Variants in DNAJC6 observed in about 807,000 individuals in gnomAD.
DNAJC6 encodes the protein DnaJ heat shock protein family (Hsp40) member C6.
In DNAJC6, 34 loss-of-function variants were observed where a neutral mutation model predicts 110.0. That is an observed-to-expected ratio of 0.31 (90% CI 0.24 to 0.41). The LOEUF (loss-of-function observed/expected upper bound fraction) is 0.41. Ranked by LOEUF, DNAJC6 falls within the 10% of genes least tolerant of loss-of-function variation. The pLI, the probability that DNAJC6 is intolerant of heterozygous loss-of-function variation, is 1.00. For synonymous variants in DNAJC6, 406 were observed against 437.2 expected (o/e 0.93, Z 0.89); for missense variants, 1,031 against 1,207.8 (o/e 0.85, Z 2.17).
At chr1:65,408,832 T>C (rs780382037) in intron 17 of DNAJC6, 49 bp downstream of exon 17, 2 of 1,595,278 alleles carry the variant, frequency 1.3e-6, no homozygotes, top group African/African-American at 1.4e-5. Flanking sequence ...GACAAAGTCA[T>C]GTGATAAAGT....
rs1490972311 is a variant in DNAJC6 at position 65,368,783 on chromosome 1, C to G, written c.543+2587C>G. Among the ~76,000 whole-genome samples the G allele has an allele frequency of 4.1e-5, 5 of 121,308 alleles. No homozygotes were observed. The South Asian group carries it at 1.6e-3, about 38-fold the overall frequency. The allele number at this position is 121,308 out of a possible 152,430, so 79.6% of individuals were successfully genotyped here. On this transcript the variant is annotated intron_variant, in intron 4 of 18. Coordinates refer to ENST00000371069, the MANE Select transcript of DNAJC6 (RefSeq NM_001256864.2). ...CTCTTCCCTCCCCTCCCCTTCCCTT[C>G]CCTTCCCTTCCAAAAGAGCCTCACT...
intron 4 of DNAJC6, among the ~76,000 whole-genome samples, chr1:65,373,900 C>T (rs1223517758): frequency 1.3e-5 from 2 of 151,916 alleles, no homozygotes; most frequent in Non-Finnish European, 2.9e-5. Context: ...TTCTTCTAGT[C>T]ATTTTATATT....
chr1:65,296,157 T>G (rs1259666916), intron 1 of DNAJC6, among the ~76,000 whole-genome samples: 1 of 152,236 alleles, frequency 6.6e-6, no homozygotes, highest in Non-Finnish European at 1.5e-5. Context: ...AGAGTCATAC[T>G]CTGTTATTCA....
At chr1:65,383,399 C>G (rs1645841385) in intron 5 of DNAJC6, among the ~76,000 whole-genome samples, 1 of 152,152 alleles carries the variant, frequency 6.6e-6, no homozygotes, top group Admixed American at 6.5e-5. Context: ...CTTAGGCAAT[C>G]TGCTCGCCTT....
rs556673763 is a variant in DNAJC6 at position 65,282,528 on chromosome 1, T to C, written c.-131+17596T>C. The stretch of plus-strand genomic sequence containing the variant: ...CCAGACTTTCATTGGATAAAGGTAG[T>C]TGAGGCTGGGGTTAGGCTCTTTTCA... On this transcript the variant is annotated intron_variant, in intron 1 of 19. Transcript: ENST00000263441. 1.1e-4 allele frequency among the ~76,000 whole-genome samples: 17 copies of C among 152,286 alleles called. 1 individual carries two copies. The South Asian group carries it at 3.5e-3, about 32-fold the overall frequency.
At chr1:65,393,421 A>G (rs1645948137) in intron 12 of DNAJC6, among the ~76,000 whole-genome samples, 1 of 152,176 alleles carries the variant, frequency 6.6e-6, no homozygotes, top group Non-Finnish European at 1.5e-5. Context: ...GTTTTCCTAT[A>G]ACGGCTTCCT....
At chr1:65,267,885 GGTGTGTGTGT>G (rs59260525) in intron 1 of DNAJC6, among the ~76,000 whole-genome samples, 122 of 149,374 alleles carry the variant, frequency 8.2e-4, no homozygotes, top group African/African-American at 2.7e-3. Flanking sequence ...GGTGTGAGGT[GGTGTGTGTGT>G]GTGTGTGTGT....
intron 1 of DNAJC6, among the ~76,000 whole-genome samples, chr1:65,316,108 A>C (rs1386179174): frequency 6.6e-6 from 1 of 152,204 alleles, no homozygotes; most frequent in Non-Finnish European, 1.5e-5. Context: ...ATATATTGCA[A>C]ATGAAAATGG....
chr1:65,373,442 T>A (rs868422534), intron 4 of DNAJC6, among the ~76,000 whole-genome samples: 38 of 152,196 alleles, frequency 2.5e-4, no homozygotes, highest in African/African-American at 8.9e-4. Flanking sequence ...CACCAGCATC[T>A]GGTATTACCT....
intron 1 of DNAJC6, chr1:65,278,882 T>C (rs1653758081): frequency 1.2e-6 from 1 of 820,414 alleles, no homozygotes; most frequent in East Asian, 1.3e-4. Context: ...GAATCTGGCA[T>C]GCGCTAACAT....
chr1:65,325,075 CT>C (rs926053958), intron 1 of DNAJC6, among the ~76,000 whole-genome samples: 2 of 152,144 alleles, frequency 1.3e-5, no homozygotes, highest in African/African-American at 2.4e-5. Context: ...GCAGGAGGTT[CT>C]TTGCTTTTCA....
In DNAJC6 at chr1:65,309,952, A is replaced by G; in HGVS notation, c.193+14A>G. 1.4e-6 allele frequency: 2 copies of G among 1,431,572 alleles called. No individual in the cohort carries two copies. The highest frequency in any genetic ancestry group is 5.8e-5 in the East Asian group (2 of 34,226). The allele number at this position is 1,431,572 out of a possible 1,614,324, so 88.7% of individuals were successfully genotyped here. On this transcript the variant is annotated intron_variant, in intron 1 of 18. Coordinates refer to ENST00000371069, the MANE Select transcript of DNAJC6 (RefSeq NM_001256864.2). ...TGGACAGCTCAGGTAGCGCTGCCCG[A>G]GGGGAGTGCAGCGCTGAGCCCCGCG... is the stretch of plus-strand genomic sequence containing the variant.
chr1:65,409,224 G>A (rs560390385), intron 17 of DNAJC6, among the ~76,000 whole-genome samples: 21 of 152,126 alleles, frequency 1.4e-4, no homozygotes, highest in African/African-American at 4.6e-4. Flanking sequence ...AATTTTGGGG[G>A]GACACATACA....
At chr1:65,388,644 A>G (rs1156686721) in intron 9 of DNAJC6, among the ~76,000 whole-genome samples, 2 of 152,212 alleles carry the variant, frequency 1.3e-5, no homozygotes, top group Non-Finnish European at 2.9e-5. Flanking sequence ...CTAAAATTCT[A>G]TGTGAGGGAA....
chr1:65,287,796 G>A (rs996313288), intron 1 of DNAJC6, among the ~76,000 whole-genome samples: 2 of 152,080 alleles, frequency 1.3e-5, no homozygotes, highest in African/African-American at 2.4e-5. Flanking sequence ...TAGAGACAGA[G>A]TTTCACCATG....
At chr1:65,293,264 C>A (rs1644897777) in intron 1 of DNAJC6, among the ~76,000 whole-genome samples, 1 of 152,192 alleles carries the variant, frequency 6.6e-6, no homozygotes, top group South Asian at 2.1e-4. Context: ...TTGCTGTCTT[C>A]TCATTGAGTC....
At chr1:65,345,105 A>G (rs1259495587) in intron 1 of DNAJC6, among the ~76,000 whole-genome samples, 1 of 97,016 alleles carries the variant, frequency 1.0e-5, no homozygotes, top group East Asian at 2.3e-4. Context: ...TGATTCTATG[A>G]GGAAGGTATC....
At chr1:65,332,294 A>G (rs569146129) in intron 1 of DNAJC6, among the ~76,000 whole-genome samples, 1 of 152,282 alleles carries the variant, frequency 6.6e-6, no homozygotes, top group Non-Finnish European at 1.5e-5. Flanking sequence ...GGAAACCTTG[A>G]TATTTAAGAA....
chr1:65,390,027 A>G (rs1227457979), intron 11 of DNAJC6, among the ~76,000 whole-genome samples: 3 of 149,996 alleles, frequency 2.0e-5, no homozygotes, highest in African/African-American at 5.1e-5. Context: ...AAATTTTTTA[A>G]AAGACATCAT....
Sources: allele counts gnomAD v4.1 joint callset (sites outside exome capture counted in the v4.1 genomes callset), GRCh38; gene constraint gnomAD v4.1.1; transcripts MANE v1.5; gene names NCBI Gene and HGNC (gene_info 2026-07-23, HGNC 2026-07-21).